The following SS18 variants were observed in gnomAD, a reference collection of about 807,000 sequenced individuals.
SS18 encodes the protein SS18 subunit of BAF chromatin remodeling complex, also known as protein SSXT.
Under a neutral mutation model 72.5 loss-of-function variants are expected in SS18, and 28 were observed. The observed-to-expected ratio is 0.39, with a 90% CI of 0.29 to 0.53. The LOEUF (loss-of-function observed/expected upper bound fraction) is 0.53. Among genes scored for constraint, SS18 ranks in the 20% least tolerant of loss-of-function variants. SS18 has a pLI of 0.76. For synonymous variants in SS18, 172 were observed against 164.2 expected, an observed-to-expected ratio of 1.05 and a Z score of -0.37; for missense variants, 518 against 535.3, an observed-to-expected ratio of 0.97 and a Z score of 0.32.
intron 5 of SS18, among the ~76,000 whole-genome samples, chr18:26,049,929 G>A (rs995118752): frequency 3.3e-5 from 5 of 152,198 alleles, no homozygotes; most frequent in Non-Finnish European, 7.3e-5. Flanking sequence ...GCAACATTTT[G>A]CCAGCAGTTT....
At position 26,035,132 on chromosome 18, in the gene SS18, A is replaced by G. The variant is rs1316108644; in HGVS notation, c.974-5T>C. 1 of 1,612,236 alleles carries G rather than the reference A, an allele frequency of 6.2e-7. No individual in the cohort carries two copies. The highest frequency in any genetic ancestry group is 1.7e-5 in the Admixed American group (1 of 59,780). ...GTTGGCCATACTGTGAATTTCCTACAGGATAATTGGAGAAGAGGAAAAAAA... is the reference window on the plus strand; with the variant it reads ...GTTGGCCATACTGTGAATTTCCTACGGGATAATTGGAGAAGAGGAAAAAAA... On this transcript the variant is annotated splice_polypyrimidine_tract_variant and splice_region_variant and intron_variant, in intron 8 of 10. Coordinates refer to ENST00000415083, the MANE Select transcript of SS18 (RefSeq NM_001007559.3). The surrounding 1 kb of genome is among the most constrained non-coding windows in gnomAD (Gnocchi z 4.4).
rs68048813 is a variant in SS18, at chr18:26,027,671, TAAAAAAAA to T, written c.1230+4720_1230+4727del. On this transcript the variant is annotated intron_variant, in intron 10 of 10. Coordinates refer to ENST00000415083, the MANE Select transcript of SS18 (RefSeq NM_001007559.3). ...TGGTGGTGACAGAGCGAGACTCATCTAAAAAAAAAAAAAAAAAAAAAAAAAAAAAAAAA... is the reference window on the plus strand; with the variant it reads ...TGGTGGTGACAGAGCGAGACTCATCTAAAAAAAAAAAAAAAAAAAAAAAAA... Among the ~76,000 whole-genome samples the T allele has an allele frequency of 3.6e-3, 98 of 27,296 alleles. 4 individuals carry two copies. Among genetic ancestry groups the T allele is most frequent in the African/African-American group, 9.8e-3 (91 of 9,292 alleles). The allele number at this position is 27,296 out of a possible 152,430, so 17.9% of individuals were successfully genotyped here.
intron 9 of SS18, 26 bp downstream of exon 9, chr18:26,034,979 T>C: frequency 6.3e-7 from 1 of 1,592,168 alleles, no homozygotes; most frequent in East Asian, 2.2e-5. Flanking sequence ...TTTTTGGTGA[T>C]AAAAATACAC....
chr18:26,071,761 G>A (rs73403576), intron 3 of SS18, among the ~76,000 whole-genome samples: 2,455 of 152,168 alleles, frequency 0.016, 51 homozygotes, highest in African/African-American at 0.055. Flanking sequence ...CCAAAAGTTC[G>A]AAGCTGCAGT....
At chr18:26,076,310 G>C (rs932093500) in intron 3 of SS18, among the ~76,000 whole-genome samples, 3 of 150,904 alleles carry the variant, frequency 2.0e-5, no homozygotes, top group African/African-American at 7.3e-5. Context: ...TAACAAGAGA[G>C]TGGAATTCAT....
chr18:26,066,092 T>TA (rs2054210715), intron 3 of SS18, among the ~76,000 whole-genome samples: 1 of 152,022 alleles, frequency 6.6e-6, no homozygotes, highest in African/African-American at 2.4e-5. Context: ...CATTTTCAGA[T>TA]ATTCTTCCTT....
At chr18:26,018,450 A>T in intron 10 of SS18, 70 bp from the exon 11 acceptor site, 1 of 1,229,654 alleles carries the variant, frequency 8.1e-7, no homozygotes, top group Admixed American at 2.1e-5. Context: ...ATTACAAACG[A>T]ATCATTTCTA....
At chr18:26,077,348 G>GA (rs2054435023) in intron 3 of SS18, among the ~76,000 whole-genome samples, 1 of 151,996 alleles carries the variant, frequency 6.6e-6, no homozygotes, top group African/African-American at 2.4e-5. Context: ...CAGTTTACAT[G>GA]AAATAAGAGA....
chr18:26,077,900 G>A (rs1166801271), intron 3 of SS18, among the ~76,000 whole-genome samples, 176 bp downstream of exon 3: 1 of 152,062 alleles, frequency 6.6e-6, no homozygotes, highest in Non-Finnish European at 1.5e-5. Context: ...AATTTTAGGT[G>A]AATTCAAATT....
At chr18:26,081,980 A>T (rs929745678) in intron 2 of SS18, among the ~76,000 whole-genome samples, 1 of 152,020 alleles carries the variant, frequency 6.6e-6, no homozygotes, top group African/African-American at 2.4e-5. Flanking sequence ...ATCACTTGAG[A>T]ACAGGAGGTT....
At chr18:26,053,114 A>G (rs1015754078) in intron 4 of SS18, among the ~76,000 whole-genome samples, 12 of 152,216 alleles carry the variant, frequency 7.9e-5, no homozygotes, top group Admixed American at 7.9e-4. Flanking sequence ...AAAACATATC[A>G]TAAGGTTGGA....
chr18:26,027,558 G>T (rs992686282), intron 10 of SS18, among the ~76,000 whole-genome samples: 1 of 150,950 alleles, frequency 6.6e-6, no homozygotes, highest in African/African-American at 2.4e-5. Context: ...TGTAGTCCTC[G>T]TTACTCATGA....
At chr18:26,061,481 G>A (rs1323689415) in intron 3 of SS18, among the ~76,000 whole-genome samples, 1 of 152,142 alleles carries the variant, frequency 6.6e-6, no homozygotes. Context: ...ATGAAGTAAT[G>A]AATTGAACCC....
At position 26,035,428 on chromosome 18, in the gene SS18, GA is replaced by G; in HGVS notation, c.974-302del. ...TGACTATGCTAAATAAAATAAAAAA[GA>G]CAAAATTAAAGACAGCTACAAGAGC... On this transcript the variant is annotated intron_variant, in intron 8 of 10. Transcript: ENST00000415083. The surrounding 1 kb of genome is among the most constrained non-coding windows in gnomAD (Gnocchi z 4.4). 1 of 324,664 alleles carries G rather than the reference GA, an allele frequency of 3.1e-6. No individual in the cohort carries two copies. Among genetic ancestry groups the G allele is most frequent in the Non-Finnish European group, 5.7e-6 (1 of 175,470 alleles). The allele number at this position is 324,664 out of a possible 1,614,324, so 20.1% of individuals were successfully genotyped here. A position where few individuals can be genotyped will look rare whatever the true frequency, so the allele number is the denominator to read the frequency against.
upstream of SS18, chr18:26,090,717 G>C (rs539635474): frequency 3.8e-6 from 3 of 787,814 alleles, no homozygotes; most frequent in African/African-American, 5.2e-5. Context: ...GGCGGGGCAG[G>C]CCTGAAGGAG....
rs186093064 is a variant in SS18 at position 26,034,937 on chromosome 18, C to T, written c.1096+68G>A. 4 of 1,538,736 alleles carry T rather than the reference C, an allele frequency of 2.6e-6. No homozygotes were observed. The East Asian group carries it at 6.9e-5, about 26-fold the overall frequency. ...TCTTGTAAAAATAAGTATTAAATAT[C>T]CACTTCCATATTTTAAAACAATCAG... On this transcript the variant is annotated intron_variant, in intron 9 of 10. Transcript: ENST00000415083.
intron 10 of SS18, among the ~76,000 whole-genome samples, chr18:26,030,212 C>T (rs1434132592): frequency 6.6e-6 from 1 of 152,184 alleles, no homozygotes; most frequent in Non-Finnish European, 1.5e-5. Context: ...CACCTCTCTC[C>T]AGTCTTGTCT....
intron 3 of SS18, among the ~76,000 whole-genome samples, chr18:26,062,003 G>GTAA (rs1404794317): frequency 1.3e-5 from 2 of 152,198 alleles, no homozygotes; most frequent in Non-Finnish European, 2.9e-5. Context: ...GGTCATGCCT[G>GTAA]TAATCCTAGC....
chr18:26,069,363 T>C (rs2054273415), intron 3 of SS18, among the ~76,000 whole-genome samples: 1 of 151,960 alleles, frequency 6.6e-6, no homozygotes, highest in Non-Finnish European at 1.5e-5. Flanking sequence ...TTTCAGAATA[T>C]TTTTCTGAAA....
Sources: gnomAD v4.1 joint callset for allele counts (sites outside exome capture counted in the v4.1 genomes callset) on GRCh38, gnomAD v4.1.1 for gene constraint, Gnocchi (gnomAD v3.1) non-coding constraint, MANE v1.5 for transcripts, NCBI Gene and HGNC (gene_info 2026-07-23, HGNC 2026-07-21) for gene names.